KAT6B: variants seen among roughly 807,000 people sequenced by gnomAD.
The protein encoded by KAT6B is lysine acetyltransferase 6B.
KAT6B carries 10 observed loss-of-function variants against 187.5 expected under a neutral mutation model. That is an observed-to-expected ratio of 0.05 (90% confidence interval 0.03 to 0.09). KAT6B has a LOEUF of 0.09. Among genes scored for constraint, KAT6B ranks in the 10% least tolerant of loss-of-function variants. The probability of loss-of-function intolerance (pLI) is 1.00; values close to 1 mark genes in which losing one functional copy is unlikely to be tolerated. For synonymous variants in KAT6B, 861 were observed against 926.8 expected, an observed-to-expected ratio of 0.93 and a Z score of 1.29; for missense variants, 1,952 against 2,558.9, an observed-to-expected ratio of 0.76 and a Z score of 5.12.
At chr10:74,993,956 T>G (rs999892072) in intron 13 of KAT6B, among the ~76,000 whole-genome samples, 1 of 152,226 alleles carries the variant, frequency 6.6e-6, no homozygotes, top group Non-Finnish European at 1.5e-5. Context: ...GCTTCTTCAC[T>G]GTGAAATTAC....
At chr10:74,964,284 T>C (rs993353400) in intron 4 of KAT6B, among the ~76,000 whole-genome samples, 3 of 152,216 alleles carry the variant, frequency 2.0e-5, no homozygotes, top group Non-Finnish European at 4.4e-5. Flanking sequence ...GTGACCTCTT[T>C]GTAGCAAAAT....
chr10:74,895,747 C>T (rs1262442215), intron 3 of KAT6B, among the ~76,000 whole-genome samples: 1 of 152,098 alleles, frequency 6.6e-6, no homozygotes, highest in East Asian at 1.9e-4. Context: ...ACCGTGTTGG[C>T]CAGGCTGGTC....
intron 4 of KAT6B, among the ~76,000 whole-genome samples, chr10:74,965,661 A>T (rs530603647): frequency 1.5e-3 from 233 of 152,078 alleles, no homozygotes; most frequent in Non-Finnish European, 2.8e-3. Context: ...CATGGGTCTC[A>T]CCAGATTAAA....
rs529245285 is a variant in KAT6B at position 74,909,180 on chromosome 10, T to G, written c.622-50790T>G. Among the ~76,000 whole-genome samples the G allele has an allele frequency of 1.6e-4, 25 of 152,272 alleles. No individual in the cohort carries two copies. The South Asian group carries it at 5.0e-3, about 30-fold the overall frequency. ...TAGGTCAGGAGTTCGAGACTAGCCT[T>G]GCCACAATGGCGAAACCCCATCTCT... is the stretch of plus-strand genomic sequence containing the variant. On this transcript the variant is annotated intron_variant, in intron 3 of 17. Transcript: ENST00000287239.
intron 8 of KAT6B, 113 bp from the exon 9 acceptor site, chr10:74,977,203 T>TA (rs1042806522): frequency 6.9e-5 from 77 of 1,114,186 alleles, no homozygotes; most frequent in Admixed American, 3.2e-4. Context: ...TATAAAGCTT[T>TA]AAAAAAAATC....
intron 11 of KAT6B, chr10:74,984,335 TTC>T (rs2133822450): frequency 6.6e-6 from 1 of 152,400 alleles, no homozygotes; most frequent in African/African-American, 2.4e-5. Flanking sequence ...AGGGAAATTC[TTC>T]TTGAATCTGC....
intron 3 of KAT6B, among the ~76,000 whole-genome samples, chr10:74,862,715 G>A (rs973257463): frequency 1.3e-5 from 2 of 152,118 alleles, no homozygotes; most frequent in African/African-American, 4.8e-5. Flanking sequence ...GAATGCTTAG[G>A]TTCAAATCCC....
intron 7 of KAT6B, among the ~76,000 whole-genome samples, chr10:74,974,667 G>A (rs1842045437): frequency 6.6e-6 from 1 of 152,156 alleles, no homozygotes; most frequent in Admixed American, 6.5e-5. Flanking sequence ...TAATGACCAT[G>A]GTAAATGTGC....
intron 3 of KAT6B, among the ~76,000 whole-genome samples, chr10:74,886,600 T>A (rs147950498): frequency 3.3e-4 from 51 of 152,266 alleles, no homozygotes; most frequent in Non-Finnish European, 6.5e-4. Context: ...GAGCTTGGTG[T>A]TATAGTTGGC....
chr10:74,910,109 G>C (rs1174170831), intron 3 of KAT6B, among the ~76,000 whole-genome samples: 1 of 148,600 alleles, frequency 6.7e-6, no homozygotes, highest in Non-Finnish European at 1.5e-5. Context: ...GGCCAACATG[G>C]AGAAGCCCCA....
In KAT6B at chr10:74,902,702, G is replaced by A. The variant is rs1353642754; in HGVS notation, c.622-57268G>A. Among the ~76,000 whole-genome samples, 13 of 152,244 alleles carry A rather than the reference G, an allele frequency of 8.5e-5. No individual in the cohort carries two copies. The East Asian group carries it at 2.3e-3, about 27-fold the overall frequency. On this transcript the variant is annotated intron_variant, in intron 3 of 17. Transcript: ENST00000287239. The stretch of plus-strand genomic sequence containing the variant: ...TACTTGTTACCAGTGGCATCTGTAG[G>A]AATACTCTGGCTGTCAGGCCTACGT...
At chr10:74,834,432 G>C (rs1438595402) in intron 1 of KAT6B, among the ~76,000 whole-genome samples, 2 of 151,772 alleles carry the variant, frequency 1.3e-5, no homozygotes, top group East Asian at 3.9e-4. Context: ...TCCTGACCTC[G>C]TGATCTGCCC....
chr10:74,944,371 T>C (rs1430005796), intron 3 of KAT6B, among the ~76,000 whole-genome samples: 1 of 152,192 alleles, frequency 6.6e-6, no homozygotes, highest in African/African-American at 2.4e-5. Flanking sequence ...CATTCTTAGC[T>C]GAGACAATAG....
At chr10:74,839,549 G>A (rs1438702443) in intron 2 of KAT6B, among the ~76,000 whole-genome samples, 1 of 152,022 alleles carries the variant, frequency 6.6e-6, no homozygotes, top group African/African-American at 2.4e-5. Flanking sequence ...TTGTTTTAAT[G>A]TACGTTCGTT....
intron 3 of KAT6B, among the ~76,000 whole-genome samples, chr10:74,902,540 C>A (rs753828188): frequency 2.0e-5 from 3 of 152,118 alleles, no homozygotes; most frequent in Non-Finnish European, 2.9e-5. Flanking sequence ...TCCTGTAAAC[C>A]GACTATTCAA....
At chr10:74,830,453 C>T (rs1264317506) in intron 1 of KAT6B, among the ~76,000 whole-genome samples, 2 of 151,854 alleles carry the variant, frequency 1.3e-5, no homozygotes, top group African/African-American at 4.8e-5. Flanking sequence ...CTGGTTTTTG[C>T]TTATTTTCCC....
chr10:74,862,073 T>TAAATACACATCCCAAGGGAA (rs1215584304), intron 3 of KAT6B, among the ~76,000 whole-genome samples: 2 of 152,254 alleles, frequency 1.3e-5, no homozygotes, highest in African/African-American at 4.8e-5. Flanking sequence ...TTATTTCTTC[T>TAAATACACATCCCAAGGGAA]AAATACACAT....
At chr10:74,949,385 CA>C (rs1840162405) in intron 3 of KAT6B, among the ~76,000 whole-genome samples, 1 of 152,130 alleles carries the variant, frequency 6.6e-6, no homozygotes, top group Admixed American at 6.6e-5. Context: ...CCCCGCGCCC[CA>C]CCCCTAAGAA....
intron 13 of KAT6B, among the ~76,000 whole-genome samples, chr10:75,009,563 G>C (rs1192282422): frequency 6.6e-6 from 1 of 152,184 alleles, no homozygotes; most frequent in Non-Finnish European, 1.5e-5. Flanking sequence ...GTTCATTCCA[G>C]GGGCTTAGAG....
Sources: gnomAD v4.1 joint callset for allele counts (sites outside exome capture counted in the v4.1 genomes callset) on GRCh38, gnomAD v4.1.1 for gene constraint, MANE v1.5 for transcripts, NCBI Gene and HGNC (gene_info 2026-07-23, HGNC 2026-07-21) for gene names.